NAT10: variants seen among roughly 807,000 people sequenced by gnomAD.
The protein encoded by NAT10 is RNA cytidine acetyltransferase.
NAT10 carries 109 observed loss-of-function variants against 132.2 expected under a neutral mutation model. That is an observed-to-expected ratio of 0.82 (90% CI 0.71 to 0.97). NAT10 has a LOEUF of 0.97. Ranked by LOEUF, NAT10 falls within the 50% of genes least tolerant of loss-of-function variation. The pLI is 0.00. For synonymous variants in NAT10, 479 were observed against 478.0 expected (o/e 1.00, Z -0.03); for missense variants, 1,184 against 1,263.4 (o/e 0.94, Z 0.95).
intron 3 of NAT10, among the ~76,000 whole-genome samples, 198 bp from the exon 4 acceptor site, chr11:34,111,854 A>G (rs1851699876): frequency 6.6e-6 from 1 of 152,216 alleles, no homozygotes; most frequent in Non-Finnish European, 1.5e-5. Flanking sequence ...TAGACTTATC[A>G]CTTACTCCAA....
chr11:34,122,250 A>G (rs1454534131), intron 8 of NAT10, among the ~76,000 whole-genome samples: 2 of 152,162 alleles, frequency 1.3e-5, no homozygotes, highest in Non-Finnish European at 2.9e-5. Flanking sequence ...ATCAGCATCT[A>G]TTAAAAATTG....
intron 16 of NAT10, 23 bp downstream of exon 16, chr11:34,133,165 G>T: frequency 6.4e-7 from 1 of 1,561,218 alleles, no homozygotes. Flanking sequence ...AGGCGTCCTT[G>T]TGGCAGTGAT....
intron 15 of NAT10, 125 bp downstream of exon 15, chr11:34,132,346 G>C: frequency 1.3e-6 from 1 of 774,442 alleles, no homozygotes; most frequent in Non-Finnish European, 2.3e-6. Context: ...GGACATTGAT[G>C]AGTTCCACTG....
chr11:34,125,686 G>A (rs563252938), intron 11 of NAT10, among the ~76,000 whole-genome samples: 20 of 152,310 alleles, frequency 1.3e-4, no homozygotes, highest in African/African-American at 4.6e-4. Flanking sequence ...GGGTTGGCCG[G>A]GCATGGTGGC....
At chr11:34,140,372 C>G (rs1852299577) in intron 23 of NAT10, 28 bp from the exon 24 acceptor site, 2 of 1,595,958 alleles carry the variant, frequency 1.3e-6, no homozygotes, top group Middle Eastern at 1.7e-4. Context: ...GGTGACCTAA[C>G]CTGTCTAGCT....
intron 9 of NAT10, among the ~76,000 whole-genome samples, chr11:34,123,477 ACTT>A (rs1851931531): frequency 6.6e-6 from 1 of 152,188 alleles, no homozygotes; most frequent in South Asian, 2.1e-4. Context: ...GCATGAAACT[ACTT>A]CTTGTAGCAG....
Position 34,124,141 on chromosome 11 carries a change from C to G in NAT10, c.1009-161C>G, listed in dbSNP as rs1328636262. Among the ~76,000 whole-genome samples, 3 of 152,142 alleles carry G rather than the reference C, an allele frequency of 2.0e-5. 1 individual carries two copies. Among genetic ancestry groups the G allele is most frequent in the Middle Eastern group, 6.3e-3 (2 of 316 alleles). On this transcript the variant is annotated intron_variant, in intron 10 of 28. Coordinates refer to ENST00000257829, the MANE Select transcript of NAT10 (RefSeq NM_024662.3). The stretch of plus-strand genomic sequence containing the variant: ...CTGAGATCACGCCACTGCACTCCAG[C>G]CTGGGCTCGAAACTCCATCTCAAAA...
At chr11:34,106,421 ATT>A (rs199999125) in intron 1 of NAT10, among the ~76,000 whole-genome samples, 3 of 142,218 alleles carry the variant, frequency 2.1e-5, no homozygotes, top group Non-Finnish European at 4.6e-5. Flanking sequence ...CAGTATAGCT[ATT>A]TTTTTTTTTT....
In NAT10 at chr11:34,124,381, AAC is replaced by A; in HGVS notation, c.1092_1093del (p.His364GlnfsTer19). 6.2e-7 allele frequency: 1 copy of A among 1,613,790 alleles called. No homozygotes were observed. The highest frequency in any genetic ancestry group is 8.5e-7 in the Non-Finnish European group (1 of 1,179,764). On this transcript the variant is annotated frameshift_variant, in exon 11 of 29. Transcript: ENST00000257829. LOFTEE classifies it high-confidence loss of function. ...GTGATCAGAGTGAATGTATTTCGAG[AAC>A]ACAGGCAGACTATTCAGGTGAGGCT... is the stretch of plus-strand genomic sequence containing the variant.
At chr11:34,120,297 G>A (rs1851869897) in intron 8 of NAT10, among the ~76,000 whole-genome samples, 1 of 152,086 alleles carries the variant, frequency 6.6e-6, no homozygotes, top group South Asian at 2.1e-4. Context: ...ATTTTTCAGA[G>A]TTTATAACTT....
rs750821499 is a variant in NAT10 at position 34,115,899 on chromosome 11, C to T, written c.557+15C>T. The T allele has an allele frequency of 4.3e-6, 7 of 1,612,892 alleles. No individual in the cohort carries two copies. The highest frequency in any genetic ancestry group is 1.7e-5 in the Admixed American group (1 of 59,882). Reference sequence around the variant, plus strand: ...TTTAATGAAAGGTAATTCTATAGTTCCCCCCAATTGTGGGGCAGCCACATT... The same window carrying T: ...TTTAATGAAAGGTAATTCTATAGTTTCCCCCAATTGTGGGGCAGCCACATT... On this transcript the variant is annotated intron_variant, in intron 6 of 28. Coordinates refer to ENST00000257829, the MANE Select transcript of NAT10 (RefSeq NM_024662.3).
intron 3 of NAT10, among the ~76,000 whole-genome samples, chr11:34,109,633 C>G (rs1401947811): frequency 1.3e-5 from 2 of 152,190 alleles, no homozygotes; most frequent in Non-Finnish European, 2.9e-5. Context: ...GTAGTCAAGA[C>G]TTTTAGTCAT....
At position 34,131,433 on chromosome 11, in the gene NAT10, G is replaced by T. The variant is rs759885270; in HGVS notation, c.1422G>T (p.Gly474=). ...SLQESIRYAP[G]DAVEKWLNDL... is the part of the protein sequence containing the mutation. ...AGGAGTCAATCCGATACGCCCCTGG[G>T]GATGCAGTGGAGAAGTGGCTGAATG... The change falls in exon 14 of 29, where the codon GGG becomes GGT. Residue 474 remains glycine, a synonymous_variant. Coordinates refer to ENST00000257829, the MANE Select transcript of NAT10 (RefSeq NM_024662.3). 4 of 1,614,174 alleles carry T rather than the reference G, an allele frequency of 2.5e-6. No homozygotes were observed. Among genetic ancestry groups the T allele is most frequent in the Non-Finnish European group, 2.5e-6 (3 of 1,180,034 alleles).
intron 12 of NAT10, 114 bp from the exon 13 acceptor site, chr11:34,130,698 TC>T: frequency 7.5e-7 from 1 of 1,337,530 alleles, no homozygotes; most frequent in Non-Finnish European, 1.0e-6. Flanking sequence ...AGCAAGGCTG[TC>T]CTGGGGGAAG....
At chr11:34,115,950 C>T in intron 6 of NAT10, 66 bp downstream of exon 6, 10 of 1,525,620 alleles carry the variant, frequency 6.6e-6, no homozygotes, top group Non-Finnish European at 9.0e-6. Flanking sequence ...ATCTTGGACT[C>T]AACTGAAAAC....
In NAT10 at chr11:34,146,156, G is replaced by T; in HGVS notation, c.3042G>T (p.Lys1014Asn). 1 of 1,608,336 alleles carries T rather than the reference G, an allele frequency of 6.2e-7. No individual in the cohort carries two copies. The highest frequency in any genetic ancestry group is 2.2e-5 in the East Asian group (1 of 44,838). The change falls in exon 29 of 29, where the codon AAG becomes AAT. Residue 1014 changes from lysine to asparagine, a missense_variant. By Grantham distance (94) the Lys-to-Asn change is moderately conservative (BLOSUM62 0). Coordinates refer to ENST00000257829, the MANE Select transcript of NAT10 (RefSeq NM_024662.3). ...QSKKLKNRET[K>N]NKKDMKLKRK... ...AGAAGTTGAAGAACAGAGAGACAAA[G>T]AACAAAAAAGATATGAAACTGAAGC...
Position 34,108,230 on chromosome 11 carries a change from A to G in NAT10, c.5A>G (p.His2Arg), listed in dbSNP as rs1173935817. ...TTTTAGTAATAATTTTTCACCATGCATCGGAAAAAGGTGGATAACCGAATC... is the reference window on the plus strand; with the variant it reads ...TTTTAGTAATAATTTTTCACCATGCGTCGGAAAAAGGTGGATAACCGAATC... M[H>R]RKKVDNRIRI... is the part of the protein sequence containing the mutation. The change falls in exon 2 of 29, where the codon CAT becomes CGT. Residue 2 changes from histidine (H) to arginine (R), a missense_variant. Transcript: ENST00000257829. 5.6e-6 allele frequency: 9 copies of G among 1,613,028 alleles called. No homozygotes were observed. Among genetic ancestry groups the G allele is most frequent in the South Asian group, 2.2e-5 (2 of 91,050 alleles).
At chr11:34,140,722 C>A in intron 24 of NAT10, 150 bp downstream of exon 24, 1 of 963,026 alleles carries the variant, frequency 1.0e-6, no homozygotes, top group Non-Finnish European at 1.5e-6. Flanking sequence ...TTCTACAGGT[C>A]AGGAAACCTG....
chr11:34,141,408 TCACACACACACACACACA>T (rs59489457), intron 25 of NAT10, among the ~76,000 whole-genome samples, 200 bp downstream of exon 25: 2 of 132,962 alleles, frequency 1.5e-5, no homozygotes, highest in Non-Finnish European at 3.2e-5. Flanking sequence ...TCATCACACA[TCACACACACACACACACA>T]CACACACACA....
Sources: allele counts gnomAD v4.1 joint callset (sites outside exome capture counted in the v4.1 genomes callset), GRCh38; gene constraint gnomAD v4.1.1; transcripts MANE v1.5; gene names NCBI Gene and HGNC (gene_info 2026-07-23, HGNC 2026-07-21).